The following KLHL13 variants were observed in gnomAD, a reference collection of about 807,000 sequenced individuals.
KLHL13 encodes the protein kelch-like protein 13.
KLHL13 carries 10 observed loss-of-function variants against 37.1 expected under a neutral mutation model. The ratio of observed to expected loss-of-function variants is 0.27; its 90% CI spans 0.17 to 0.46. KLHL13 has a LOEUF of 0.46. Among genes scored for constraint, KLHL13 ranks in the 20% least tolerant of loss-of-function variants. The pLI, the probability that KLHL13 is intolerant of heterozygous loss-of-function variation, is 1.00. For synonymous variants in KLHL13, 163 were observed against 181.2 expected (o/e 0.90, Z 0.81); for missense variants, 360 against 509.3 (o/e 0.71, Z 2.82).
At chrX:117,920,111 A>T in intron 3 of KLHL13, 127 bp downstream of exon 4, 1 of 653,352 alleles carries the variant, frequency 1.5e-6, no homozygotes, top group Non-Finnish European at 2.3e-6. Flanking sequence ...AACCATACAT[A>T]CTGTTGTGTA....
intron 1 of KLHL13, among the ~76,000 whole-genome samples, chrX:118,034,208 C>A (rs2054402993): frequency 9.5e-6 from 1 of 105,261 alleles, no homozygotes; most frequent in Non-Finnish European, 1.9e-5. Flanking sequence ...CAAGGATATC[C>A]AGGAATTGAA....
chrX:117,995,599 T>C (rs1048016131), intron 1 of KLHL13, among the ~76,000 whole-genome samples: 1 of 111,392 alleles, frequency 9.0e-6, no homozygotes, highest in African/African-American at 3.3e-5. Context: ...TCTATCTTGT[T>C]GTGAAACATT....
intron 4 of KLHL13, among the ~76,000 whole-genome samples, chrX:117,919,218 T>C (rs182879435): frequency 8.9e-6 from 1 of 112,002 alleles, no homozygotes; most frequent in Non-Finnish European, 1.9e-5. Flanking sequence ...GAGACGGGCT[T>C]TCTCCATGTT....
At chrX:118,074,724 C>T (rs909531527) in intron 1 of KLHL13, among the ~76,000 whole-genome samples, 10 of 111,664 alleles carry the variant, frequency 9.0e-5, no homozygotes, top group African/African-American at 3.3e-4. Context: ...GATTCAATGC[C>T]ACCCACCCCC....
At chrX:117,939,849 T>C (rs985859129) in intron 2 of KLHL13, among the ~76,000 whole-genome samples, 1 of 112,078 alleles carries the variant, frequency 8.9e-6, no homozygotes, top group African/African-American at 3.2e-5. Flanking sequence ...TAGCCCTTTG[T>C]ATGATGGACA....
chrX:118,043,424 G>C (rs767497245), intron 1 of KLHL13, among the ~76,000 whole-genome samples: 2 of 111,247 alleles, frequency 1.8e-5, no homozygotes, highest in South Asian at 3.8e-4. Flanking sequence ...ACCAAACAAA[G>C]ACACATCACA....
chrX:118,050,116 C>G (rs1251511843), intron 1 of KLHL13, among the ~76,000 whole-genome samples: 1 of 111,708 alleles, frequency 9.0e-6, no homozygotes, highest in East Asian at 2.8e-4. Flanking sequence ...AAACTCTTGG[C>G]CTCAAGCAGT....
chrX:118,025,227 A>G (rs5956853), intron 1 of KLHL13, among the ~76,000 whole-genome samples: 5,960 of 111,619 alleles, frequency 0.053, 398 homozygotes, highest in African/African-American at 0.18. Flanking sequence ...ATGATAGTAC[A>G]GTAGTCCCTG....
At chrX:118,090,895 T>C (rs1226404795) in intron 1 of KLHL13, among the ~76,000 whole-genome samples, 2 of 108,112 alleles carry the variant, frequency 1.8e-5, no homozygotes, top group African/African-American at 6.7e-5. Context: ...CCAACAATGA[T>C]AGACTGGATT....
At chrX:117,973,365 A>G (rs770698496) in exon 1 of KLHL13, 1 of 972,545 alleles carries the variant, frequency 1.0e-6, no homozygotes. Flanking sequence ...CTGCAACAAT[A>G]CAAATGGGAT....
intron 1 of KLHL13, among the ~76,000 whole-genome samples, chrX:118,018,077 A>T (rs2054147978): frequency 9.0e-6 from 1 of 111,557 alleles, no homozygotes; most frequent in Non-Finnish European, 1.9e-5. Flanking sequence ...CATGTGGCTG[A>T]CTTCTCCCTA....
chrX:118,063,369 T>C (rs1324613876), intron 1 of KLHL13, among the ~76,000 whole-genome samples: 5 of 111,303 alleles, frequency 4.5e-5, no homozygotes, highest in African/African-American at 6.5e-5. Flanking sequence ...GCTCCCATCC[T>C]GTCTCAAAGC....
At chrX:117,903,173 G>GAGCGAGAGAGA (rs1491190040) in intron 5 of KLHL13, among the ~76,000 whole-genome samples, 2 of 96,707 alleles carry the variant, frequency 2.1e-5, no homozygotes, top group African/African-American at 4.4e-5. Context: ...GAGAGAGAGA[G>GAGCGAGAGAGA]GAGAGCGAGA....
chrX:118,056,275 T>C (rs1250004507), intron 1 of KLHL13, among the ~76,000 whole-genome samples: 15 of 112,435 alleles, frequency 1.3e-4, no homozygotes, highest in Non-Finnish European at 5.6e-5. Flanking sequence ...ATTTATATTC[T>C]GGCAACTATA....
At chrX:118,092,067 TG>T (rs1221953520) in intron 1 of KLHL13, among the ~76,000 whole-genome samples, 1 of 111,362 alleles carries the variant, frequency 9.0e-6, no homozygotes, top group Non-Finnish European at 1.9e-5. Context: ...GAGAAAGGGA[TG>T]GGGGTGGCAA....
chrX:117,945,698 G>T, intron 1 of KLHL13, 123 bp from the exon 3 acceptor site: 1 of 534,398 alleles, frequency 1.9e-6, no homozygotes. Flanking sequence ...GGTGAATATT[G>T]TTTCACTATA....
chrX:117,926,065 C>T (rs909268490), intron 2 of KLHL13, among the ~76,000 whole-genome samples: 1 of 111,951 alleles, frequency 8.9e-6, no homozygotes, highest in Non-Finnish European at 1.9e-5. Context: ...TGGATTTCAC[C>T]ATTACTTATT....
At chrX:117,925,967 G>A (rs1290661305) in intron 2 of KLHL13, among the ~76,000 whole-genome samples, 1 of 111,276 alleles carries the variant, frequency 9.0e-6, no homozygotes. Flanking sequence ...GATTACAGGT[G>A]TGAGTCACCA....
exon 7 of KLHL13, chrX:117,898,864 C>T: frequency 1.7e-6 from 2 of 1,146,166 alleles, no homozygotes; most frequent in Non-Finnish European, 2.3e-6. Context: ...ATTTATGACA[C>T]ATTGCAAAGA....
Sources: gnomAD v4.1 joint callset for allele counts (sites outside exome capture counted in the v4.1 genomes callset) on GRCh38, gnomAD v4.1.1 for gene constraint, MANE v1.5 for transcripts, NCBI Gene and HGNC (gene_info 2026-07-23, HGNC 2026-07-21) for gene names.